Variants in RGL3 observed in about 807,000 individuals in gnomAD.
The protein encoded by RGL3 is ral guanine nucleotide dissociation stimulator like 3, also known as ral guanine nucleotide dissociation stimulator-like 3.
A neutral mutation model predicts 90.6 loss-of-function variants in RGL3; 85 were observed. That is an observed-to-expected ratio of 0.94 (90% CI 0.79 to 1.12). The LOEUF is 1.12. Ranked by LOEUF, RGL3 falls within the 50% of genes most tolerant of loss-of-function variation. The pLI, the probability that RGL3 is intolerant of heterozygous loss-of-function variation, is 0.00. For synonymous variants in RGL3, 408 were observed against 385.5 expected (o/e 1.06, Z -0.68); for missense variants, 1,034 against 939.2 (o/e 1.10, Z -1.32).
intron 1 of RGL3, 117 bp downstream of exon 1, chr19:11,419,129 G>A: frequency 8.9e-7 from 1 of 1,118,290 alleles, no homozygotes; most frequent in Non-Finnish European, 1.3e-6. Flanking sequence ...TCCCCAGGAG[G>A]GGACTCCAGG....
chr19:11,417,071 G>C lies in RGL3; in HGVS notation c.148-12C>G. The stretch of plus-strand genomic sequence containing the variant: ...ATGGGGCTGGGAGCCTGCAGGAGGG[G>C]AGAGGTGGCCATGAGAGAGCAGGAG... On this transcript the variant is annotated splice_polypyrimidine_tract_variant and intron_variant, in intron 2 of 18. Transcript: ENST00000380456. 6.3e-7 allele frequency: 1 copy of C among 1,580,446 alleles called. No individual in the cohort carries two copies. Among genetic ancestry groups the C allele is most frequent in the Non-Finnish European group, 8.6e-7 (1 of 1,161,856 alleles).
In RGL3 at chr19:11,402,119, A is replaced by G; in HGVS notation, c.1376T>C (p.Leu459Pro). Residue 459 changes from leucine to proline, a missense_variant, in exon 13 of 19, where the codon CTG (leucine) becomes CCG (proline). Coordinates refer to ENST00000380456, the MANE Select transcript of RGL3 (RefSeq NM_001035223.4). ...CCTCTGCAGCTGCTGGATGCGGGCC[A>G]GGATCTCCCACTCCTGGAGGACGAG... ...FEKRRKEWEI[L>P]ARIQQLQRRC... The G allele has an allele frequency of 6.2e-7, 1 of 1,607,506 alleles. No homozygotes were observed. The highest frequency in any genetic ancestry group is 8.5e-7 in the Non-Finnish European group (1 of 1,176,984).
chr19:11,414,182 TA>T (rs1465114159), intron 5 of RGL3, among the ~76,000 whole-genome samples: 16 of 79,818 alleles, frequency 2.0e-4, no homozygotes, highest in African/African-American at 7.4e-4. Context: ...TATATACACC[TA>T]TATATATATA....
chr19:11,412,930 C>T (rs1475938387), intron 5 of RGL3, among the ~76,000 whole-genome samples: 1 of 152,024 alleles, frequency 6.6e-6, no homozygotes, highest in Non-Finnish European at 1.5e-5. Context: ...CGCGCCATTG[C>T]ACTCCAGCCT....
rs1438951426 is a variant in RGL3, at chr19:11,416,835, C to A, written c.371+1G>T. ...TACGGAGGTTATGGTTCGCTACTGACCCGGGAGGTGGGGGCGGTGGCATTG... is the reference window on the plus strand; with the variant it reads ...TACGGAGGTTATGGTTCGCTACTGAACCGGGAGGTGGGGGCGGTGGCATTG... On this transcript the variant is annotated splice_donor_variant, in intron 3 of 18. Transcript: ENST00000380456. LOFTEE classifies it high-confidence loss of function. The A allele has an allele frequency of 6.2e-7, 1 of 1,613,116 alleles. No individual in the cohort carries two copies. Among genetic ancestry groups the A allele is most frequent in the Admixed American group, 1.7e-5 (1 of 59,950 alleles).
At chr19:11,419,045 G>A (rs1239760269) in intron 1 of RGL3, among the ~76,000 whole-genome samples, 2 of 152,194 alleles carry the variant, frequency 1.3e-5, no homozygotes, top group Non-Finnish European at 2.9e-5. Context: ...AGCTCTTTCT[G>A]CCGACTGCGC....
chr19:11,416,790 T>A, intron 3 of RGL3, 46 bp downstream of exon 3: 1 of 1,607,210 alleles, frequency 6.2e-7, no homozygotes, highest in East Asian at 2.2e-5. Flanking sequence ...GGTGCCCAGT[T>A]GGGGTTCTAG....
rs897217595 is a variant in RGL3 at position 11,419,240 on chromosome 19, C to G, written c.33+6G>C. ...TGCGGGGTCCGGGGATCCCTTGTCC[C>G]CTTACCAGGGCCAGCTCTTTGCCTG... is the stretch of plus-strand genomic sequence containing the variant. On this transcript the variant is annotated splice_donor_region_variant and intron_variant, in intron 1 of 18. Transcript: ENST00000380456. 3 of 1,594,048 alleles carry G rather than the reference C, an allele frequency of 1.9e-6. No homozygotes were observed. In the African/African-American group the frequency reaches 4.1e-5, roughly 22 times the overall value.
chr19:11,419,032 T>C (rs1260055452), intron 1 of RGL3: 4 of 657,026 alleles, frequency 6.1e-6, no homozygotes, highest in Non-Finnish European at 7.9e-6. Flanking sequence ...AGAACCTGTC[T>C]CTAGCTCTTT....
In RGL3 at chr19:11,418,736, T is replaced by C. The variant is rs2144746967; in HGVS notation, c.82A>G (p.Ser28Gly). The change falls in exon 2 of 19, where the codon AGT becomes GGT. Residue 28 changes from serine to glycine, a missense_variant. Ser to Gly is a moderately conservative substitution (Grantham distance 56). Transcript: ENST00000380456. ...GEETEDGAVYSVSLRRQRSQR... is the reference protein window; with the variant it reads ...GEETEDGAVYGVSLRRQRSQR... Reference sequence around the variant, plus strand: ...CTGCGCTGCCGCCGCAGGGAGACACTGTACACCGCGCCGTCCTCGGTCTCT... The same window carrying C: ...CTGCGCTGCCGCCGCAGGGAGACACCGTACACCGCGCCGTCCTCGGTCTCT... 3 of 1,577,992 alleles carry C rather than the reference T, an allele frequency of 1.9e-6. No homozygotes were observed. Among genetic ancestry groups the C allele is most frequent in the Non-Finnish European group, 2.6e-6 (3 of 1,166,216 alleles).
chr19:11,418,737 G>A lies in RGL3; in HGVS notation c.81C>T (p.Tyr27=). 2 of 1,577,568 alleles carry A rather than the reference G, an allele frequency of 1.3e-6. No individual in the cohort carries two copies. Among genetic ancestry groups the A allele is most frequent in the Non-Finnish European group, 1.7e-6 (2 of 1,166,002 alleles). Residue 27 remains tyrosine, a synonymous_variant, in exon 2 of 19, where the codon TAC becomes TAT. Transcript: ENST00000380456. ...WGEETEDGAV[Y]SVSLRRQRSQ... ...TGCGCTGCCGCCGCAGGGAGACACT[G>A]TACACCGCGCCGTCCTCGGTCTCTT... is the stretch of plus-strand genomic sequence containing the variant.
At chr19:11,394,558 A>G (rs1260687325) in intron 18 of RGL3, 38 bp from the exon 19 acceptor site, 1 of 1,504,968 alleles carries the variant, frequency 6.6e-7, no homozygotes, top group African/African-American at 1.4e-5. Flanking sequence ...AGGCCCTCAC[A>G]ACCTTGTGTC....
rs1969052528 is a variant in RGL3 at position 11,418,787 on chromosome 19, G to A, written c.34-3C>T. ...TCACCCCAGTCCTGCAGCGGTGCCT[G>A]GACGCACAGGCGGACTCAGGGCACC... is the stretch of plus-strand genomic sequence containing the variant. On this transcript the variant is annotated splice_polypyrimidine_tract_variant and splice_region_variant and intron_variant, in intron 1 of 18. Coordinates refer to ENST00000380456, the MANE Select transcript of RGL3 (RefSeq NM_001035223.4). 6.5e-7 allele frequency: 1 copy of A among 1,541,220 alleles called. No individual in the cohort carries two copies.
At chr19:11,414,149 A>ATG (rs1482354419) in intron 5 of RGL3, among the ~76,000 whole-genome samples, 1 of 83,632 alleles carries the variant, frequency 1.2e-5, no homozygotes, top group African/African-American at 4.6e-5. Context: ...ATATATATAT[A>ATG]TATATATATA....
At chr19:11,418,319 C>T (rs954153419) in intron 2 of RGL3, among the ~76,000 whole-genome samples, 10 of 147,508 alleles carry the variant, frequency 6.8e-5, no homozygotes, top group African/African-American at 2.5e-4. Flanking sequence ...TCACTGGCTG[C>T]CCCATCCGCC....
chr19:11,402,424 GGGGTCAGGGGTCAA>G lies in RGL3; in HGVS notation c.1329+17_1329+30del. ...CATTGTGCTGGGGGCAAGTGGAGCTGGGGTCAGGGGTCAAGGGTCAGGGGTCAGACCTCCAACAT... is the reference window on the plus strand; with the variant it reads ...CATTGTGCTGGGGGCAAGTGGAGCTGGGGTCAGGGGTCAGACCTCCAACAT... On this transcript the variant is annotated intron_variant, in intron 11 of 18. Coordinates refer to ENST00000380456, the MANE Select transcript of RGL3 (RefSeq NM_001035223.4). 2.5e-6 allele frequency: 4 copies of G among 1,587,162 alleles called. No individual in the cohort carries two copies. The highest frequency in any genetic ancestry group is 2.6e-6 in the Non-Finnish European group (3 of 1,165,300).
chr19:11,405,880 T>C (rs1321115306), intron 7 of RGL3, among the ~76,000 whole-genome samples: 1 of 143,380 alleles, frequency 7.0e-6, no homozygotes, highest in Non-Finnish European at 1.5e-5. Context: ...GTAAGTCTCA[T>C]TTTTAATTTT....
rs747582026 is a variant in RGL3 at position 11,397,480 on chromosome 19, C to T, written c.1864G>A (p.Asp622Asn). 40 of 1,612,954 alleles carry T rather than the reference C, an allele frequency of 2.5e-5. No individual in the cohort carries two copies. Among genetic ancestry groups the T allele is most frequent in the African/African-American group, 1.1e-4 (8 of 74,902 alleles). The change falls in exon 17 of 19, where the codon GAC becomes AAC. Residue 622 changes from aspartate to asparagine, a missense_variant. By Grantham distance (23) the Asp-to-Asn change is conservative. Coordinates refer to ENST00000380456, the MANE Select transcript of RGL3 (RefSeq NM_001035223.4). Reference sequence around the variant, plus strand: ...CGATACAGGTTCCCGTGGTCATTGTCGATGCTGACGCGGATGACACGGGCC... The same window carrying T: ...CGATACAGGTTCCCGTGGTCATTGTTGATGCTGACGCGGATGACACGGGCC... ...SEARVIRVSI[D>N]NDHGNLYRSI...
Position 11,402,677 on chromosome 19 carries a change from CTCT to C in RGL3, c.1212_1214del (p.Glu405del), listed in dbSNP as rs1370216339. ...AGGGCAGGCTGCCTGGGGTGTTGTCCTCTTCTTGGGATCCCTCAGTGGCCTCCT... is the reference window on the plus strand; with the variant it reads ...AGGGCAGGCTGCCTGGGGTGTTGTCCTCTTGGGATCCCTCAGTGGCCTCCT... On this transcript the variant is annotated inframe_deletion, in exon 10 of 19. Coordinates refer to ENST00000380456, the MANE Select transcript of RGL3 (RefSeq NM_001035223.4). 9 of 1,613,804 alleles carry C rather than the reference CTCT, an allele frequency of 5.6e-6. No individual in the cohort carries two copies. In the African/African-American group the frequency reaches 1.2e-4, roughly 22 times the overall value.
Sources: gnomAD v4.1 joint callset for allele counts (sites outside exome capture counted in the v4.1 genomes callset) on GRCh38, gnomAD v4.1.1 for gene constraint, MANE v1.5 for transcripts, NCBI Gene and HGNC (gene_info 2026-07-23, HGNC 2026-07-21) for gene names.